The following GGTA1 variants were observed in gnomAD, a reference collection of about 807,000 sequenced individuals.
The protein encoded by GGTA1 is glycoprotein alpha-galactosyltransferase 1 (inactive).
GGTA1 carries 5 observed loss-of-function variants against 2.6 expected under a neutral mutation model. That is an observed-to-expected ratio of 1.92 (90% CI 1.00 to 4.04). The LOEUF is 4.04. GGTA1 is among the 30% of genes most tolerant of loss of function. The probability of loss-of-function intolerance (pLI) is 0.00; values close to 1 mark genes in which losing one functional copy is unlikely to be tolerated. For synonymous variants in GGTA1, 17 were observed against 5.0 expected, an observed-to-expected ratio of 3.38 and a Z score of -3.19; for missense variants, 50 against 16.7, an observed-to-expected ratio of 2.99 and a Z score of -3.47.
At chr9:121,492,406 G>C (rs1828888474) in intron 1 of GGTA1, among the ~76,000 whole-genome samples, 1 of 152,196 alleles carries the variant, frequency 6.6e-6, no homozygotes, top group African/African-American at 2.4e-5. Flanking sequence ...CTCACATTCA[G>C]CCCAGAGCTC....
intron 5 of GGTA1, among the ~76,000 whole-genome samples, chr9:121,457,120 A>T (rs185974335): frequency 3.3e-5 from 5 of 152,306 alleles, no homozygotes; most frequent in Non-Finnish European, 7.4e-5. Flanking sequence ...TCGGAGGAGG[A>T]ATTGACAGAA....
At chr9:121,493,634 T>C (rs934514595) in intron 1 of GGTA1, among the ~76,000 whole-genome samples, 4 of 147,886 alleles carry the variant, frequency 2.7e-5, no homozygotes, top group African/African-American at 9.8e-5. Context: ...CTGATCTCTG[T>C]CAGCCGCTGT....
At chr9:121,474,343 G>A (rs1450722894) in intron 1 of GGTA1, among the ~76,000 whole-genome samples, 1 of 152,202 alleles carries the variant, frequency 6.6e-6, no homozygotes, top group Admixed American at 6.5e-5. Context: ...CGCCTGCACT[G>A]CTTCCCAAAT....
chr9:121,471,767 G>C (rs1165673115), intron 1 of GGTA1, among the ~76,000 whole-genome samples: 1 of 152,134 alleles, frequency 6.6e-6, no homozygotes, highest in East Asian at 1.9e-4. Context: ...AGCACATACA[G>C]CCCCAGACCC....
chr9:121,470,760 T>C (rs1828370745), intron 1 of GGTA1, among the ~76,000 whole-genome samples: 1 of 152,216 alleles, frequency 6.6e-6, no homozygotes, highest in Non-Finnish European at 1.5e-5. Context: ...GCTAAACTGT[T>C]CTTGTAAAAT....
At chr9:121,474,427 G>A (rs1025174104) in intron 1 of GGTA1, among the ~76,000 whole-genome samples, 8 of 152,106 alleles carry the variant, frequency 5.3e-5, no homozygotes, top group African/African-American at 1.9e-4. Flanking sequence ...TGCAAGGCAG[G>A]GTCACATTGT....
chr9:121,457,044 G>A (rs2064917309), intron 5 of GGTA1, among the ~76,000 whole-genome samples: 1 of 152,186 alleles, frequency 6.6e-6, no homozygotes, highest in East Asian at 1.9e-4. Context: ...AAAAGCTGAT[G>A]GCAACATGAA....
intron 2 of GGTA1, among the ~76,000 whole-genome samples, chr9:121,467,271 A>G (rs2065011945): frequency 6.6e-6 from 1 of 152,304 alleles, no homozygotes; most frequent in South Asian, 2.1e-4. Flanking sequence ...CCATAGATGA[A>G]TTTGAAAACT....
chr9:121,492,004 C>A (rs1828879299), intron 1 of GGTA1, among the ~76,000 whole-genome samples: 1 of 152,146 alleles, frequency 6.6e-6, no homozygotes, highest in Admixed American at 6.5e-5. Flanking sequence ...AGCCCAGGAC[C>A]TAGTAGGTGC....
intron 1 of GGTA1, among the ~76,000 whole-genome samples, chr9:121,499,410 G>T (rs1208734608): frequency 1.3e-5 from 2 of 152,158 alleles, no homozygotes; most frequent in Non-Finnish European, 2.9e-5. Context: ...TCCAGTCTTG[G>T]AAGGCTGGAC....
chr9:121,464,389 C>T (rs1260554285), intron 2 of GGTA1, among the ~76,000 whole-genome samples: 6 of 141,140 alleles, frequency 4.3e-5, no homozygotes, highest in African/African-American at 1.1e-4. Flanking sequence ...TGCAGTGGCA[C>T]GATCTTGGCT....
intron 5 of GGTA1, among the ~76,000 whole-genome samples, chr9:121,457,814 G>T (rs946355161): frequency 1.3e-5 from 2 of 151,902 alleles, no homozygotes; most frequent in Admixed American, 6.6e-5. Context: ...TCGGGAGACG[G>T]TCACAAATGA....
At chr9:121,498,028 A>T (rs1187766737) in intron 1 of GGTA1, among the ~76,000 whole-genome samples, 11 of 152,206 alleles carry the variant, frequency 7.2e-5, no homozygotes, top group Non-Finnish European at 1.5e-4. Context: ...GACCTCAGCT[A>T]CTCCACCAAA....
At chr9:121,479,855 T>C (rs933462231) in intron 1 of GGTA1, among the ~76,000 whole-genome samples, 1 of 152,164 alleles carries the variant, frequency 6.6e-6, no homozygotes, top group African/African-American at 2.4e-5. Context: ...GTTTGAACAC[T>C]ACATTTTTAT....
At chr9:121,464,779 G>A (rs193076755) in intron 2 of GGTA1, among the ~76,000 whole-genome samples, 1 of 152,096 alleles carries the variant, frequency 6.6e-6, no homozygotes, top group East Asian at 1.9e-4. Context: ...TCTAAAATTC[G>A]AAGATTATTT....
At chr9:121,464,363 G>C (rs1035120492) in intron 2 of GGTA1, among the ~76,000 whole-genome samples, 1 of 114,974 alleles carries the variant, frequency 8.7e-6, no homozygotes, top group Middle Eastern at 0.01. Context: ...GTCTTGCTCT[G>C]TTGCCCAGGC....
downstream of GGTA1, among the ~76,000 whole-genome samples, chr9:121,454,873 G>A (rs2064898106): frequency 6.6e-6 from 1 of 152,116 alleles, no homozygotes; most frequent in Non-Finnish European, 1.5e-5. Flanking sequence ...AATTAGCCAG[G>A]CGTGGTGGTG....
chr9:121,484,339 T>A (rs1447850878), intron 1 of GGTA1, among the ~76,000 whole-genome samples: 1 of 152,176 alleles, frequency 6.6e-6, no homozygotes, highest in African/African-American at 2.4e-5. Flanking sequence ...GAGAGTCATC[T>A]GTTTTTCCCT....
At chr9:121,493,327 C>A (rs1828912646) in intron 1 of GGTA1, among the ~76,000 whole-genome samples, 1 of 152,138 alleles carries the variant, frequency 6.6e-6, no homozygotes, top group Non-Finnish European at 1.5e-5. Context: ...TACCTGTGCC[C>A]ACCGAGGGCT....
Sources: allele counts gnomAD v4.1 joint callset (sites outside exome capture counted in the v4.1 genomes callset), GRCh38; gene constraint gnomAD v4.1.1; transcripts MANE v1.5; gene names NCBI Gene and HGNC (gene_info 2026-07-23, HGNC 2026-07-21).